The following DNAAF11 variants were observed in gnomAD, a reference collection of about 807,000 sequenced individuals.
DNAAF11 encodes dynein axonemal assembly factor 11, also known as leucine rich repeat containing 6.
A neutral mutation model predicts 60.8 loss-of-function variants in DNAAF11; 45 were observed. The ratio of observed to expected loss-of-function variants is 0.74; its 90% CI spans 0.58 to 0.95. The LOEUF (loss-of-function observed/expected upper bound fraction) is 0.95, where lower values mean the gene tolerates loss of function less well. DNAAF11 is among the 40% of genes least tolerant of loss of function. The pLI is 0.00. For missense variants in DNAAF11, 546 were observed against 546.2 expected (o/e 1.00, Z 0.00); for synonymous variants, 191 against 183.5 (o/e 1.04, Z -0.33).
intron 7 of DNAAF11, among the ~76,000 whole-genome samples, chr8:132,616,693 C>G (rs1819195812): frequency 6.6e-6 from 1 of 152,074 alleles, no homozygotes; most frequent in Admixed American, 6.6e-5. Flanking sequence ...TTATATCCAC[C>G]CAGTGATGTC....
rs562767750 is a variant in DNAAF11 at position 132,643,532 on chromosome 8, C to T, written c.257-5425G>A. On this transcript the variant is annotated intron_variant, in intron 3 of 11. Coordinates refer to ENST00000620350, the MANE Select transcript of DNAAF11 (RefSeq NM_012472.6). ...CACAGTTAATTCAAAAGACCAGTCC[C>T]CGTAAATGGGTCCGTATGCCATATT... 585 of 417,530 alleles carry T rather than the reference C, an allele frequency of 1.4e-3. 13 individuals carry two copies. Among genetic ancestry groups the T allele is most frequent in the South Asian group, 9.3e-3 (534 of 57,392 alleles). 25.9% of individuals were successfully genotyped at this position (417,530 alleles called of 1,614,324 possible). A position where few individuals can be genotyped will look rare whatever the true frequency, so the allele number is the denominator to read the frequency against.
At position 132,661,466 on chromosome 8, in the gene DNAAF11, T is replaced by C. The variant is rs1349234234; in HGVS notation, c.172A>G (p.Lys58Glu). The C allele has an allele frequency of 5.0e-6, 8 of 1,611,334 alleles. No homozygotes were observed. The highest frequency in any genetic ancestry group is 6.8e-6 in the Non-Finnish European group (8 of 1,178,576). ...ILYLQNNLIG[K>E]IENVSKLKKL... ...ACTAAGTACTGAAACTTACCAATTT[T>C]CCCAATAAGATTATTTTGAAGATAG... Residue 58 changes from lysine to glutamate, a missense_variant, in exon 2 of 12, where the codon AAA becomes GAA. Transcript: ENST00000620350.
rs368310529 is a variant in DNAAF11, at chr8:132,599,022, G to A, written c.1140+11144C>T. On this transcript the variant is annotated intron_variant, in intron 10 of 11. Coordinates refer to ENST00000620350, the MANE Select transcript of DNAAF11 (RefSeq NM_012472.6). ...AAAAGATCAACAACATTGATAGACC[G>A]CTAGCAACACTAATACAGAAGAAAA... Among the ~76,000 whole-genome samples the A allele has an allele frequency of 4.1e-4, 63 of 152,114 alleles. No homozygotes were observed. In the East Asian group the frequency reaches 0.011, roughly 26 times the overall value.
intron 11 of DNAAF11, among the ~76,000 whole-genome samples, chr8:132,575,098 A>G (rs540344821): frequency 1.3e-5 from 2 of 152,338 alleles, no homozygotes; most frequent in Admixed American, 1.3e-4. Context: ...CCTGGTAATC[A>G]AGAAACAAAG....
chr8:132,689,440 T>A, the DNAAF11 span, among the ~76,000 whole-genome samples: 4 of 152,292 alleles, frequency 2.6e-5, no homozygotes, highest in South Asian at 4.1e-4. Flanking sequence ...TTATATCATG[T>A]CAAAAATACA....
rs751733856 is a variant in DNAAF11 at position 132,661,704 on chromosome 8, G to C, written c.11-77C>G. 5 of 1,488,006 alleles carry C rather than the reference G, an allele frequency of 3.4e-6. No homozygotes were observed. In the South Asian group the frequency reaches 5.7e-5, roughly 17 times the overall value. The allele number at this position is 1,488,006 out of a possible 1,614,324, so 92.2% of individuals were successfully genotyped here. ...AGATTATTGTGTTGTTAACGCATTT[G>C]TGTTTTTTTTGTTTGTTTTTGCAGT... On this transcript the variant is annotated intron_variant, in intron 1 of 11. Coordinates refer to ENST00000620350, the MANE Select transcript of DNAAF11 (RefSeq NM_012472.6).
chr8:132,658,719 A>C (rs1234135328), intron 2 of DNAAF11, among the ~76,000 whole-genome samples: 1 of 152,096 alleles, frequency 6.6e-6, no homozygotes, highest in East Asian at 1.9e-4. Flanking sequence ...ACAATAAAAT[A>C]CCTCTTCAAA....
chr8:132,574,292 T>C (rs977316064), intron 11 of DNAAF11, among the ~76,000 whole-genome samples: 6 of 152,220 alleles, frequency 3.9e-5, no homozygotes, highest in East Asian at 1.9e-4. Flanking sequence ...AGGTTGGGCA[T>C]TGACTGGTAA....
chr8:132,625,671 T>C (rs1472594861), intron 5 of DNAAF11, among the ~76,000 whole-genome samples: 1 of 152,182 alleles, frequency 6.6e-6, no homozygotes, highest in East Asian at 1.9e-4. Context: ...ATTGAAAGGT[T>C]GAATAGGGCA....
rs1201451571 is a variant in DNAAF11, at chr8:132,571,129, G to A, written c.*1177C>T. 6.6e-6 allele frequency among the ~76,000 whole-genome samples: 1 copy of A among 152,098 alleles called. No individual in the cohort carries two copies. Among genetic ancestry groups the A allele is most frequent in the Non-Finnish European group, 1.5e-5 (1 of 68,024 alleles). ...ACATTAGCAGAGTCTTCCACTGGAA[G>A]CCTGTTTAATAGAGAAAGGCCCTGT... On this transcript the variant is annotated 3_prime_UTR_variant, in exon 12 of 12. Transcript: ENST00000620350.
At chr8:132,593,887 T>C (rs960671243) in intron 10 of DNAAF11, among the ~76,000 whole-genome samples, 2 of 151,622 alleles carry the variant, frequency 1.3e-5, no homozygotes, top group African/African-American at 4.8e-5. Flanking sequence ...CCCATAAAAA[T>C]CCAACTGAAA....
intron 4 of DNAAF11, among the ~76,000 whole-genome samples, chr8:132,637,406 G>A (rs1364644276): frequency 6.6e-6 from 1 of 152,190 alleles, no homozygotes; most frequent in African/African-American, 2.4e-5. Context: ...AGGAGTTCAA[G>A]ACCAGCCTGG....
intron 11 of DNAAF11, among the ~76,000 whole-genome samples, chr8:132,577,304 T>C (rs1814851166): frequency 6.6e-6 from 1 of 152,236 alleles, no homozygotes; most frequent in Non-Finnish European, 1.5e-5. Flanking sequence ...ACTGCTAAGC[T>C]GCCGAACCAC....
intron 4 of DNAAF11, among the ~76,000 whole-genome samples, chr8:132,633,298 C>A (rs1163364690): frequency 6.6e-6 from 1 of 152,022 alleles, no homozygotes; most frequent in East Asian, 1.9e-4. Flanking sequence ...CAAAGTACAA[C>A]AATGGCACTT....
At chr8:132,702,533 G>A in the DNAAF11 span, among the ~76,000 whole-genome samples, 2 of 151,062 alleles carry the variant, frequency 1.3e-5, no homozygotes, top group East Asian at 1.9e-4. Context: ...CGTTGTCCCA[G>A]AGGTCATAAA....
intron 1 of DNAAF11, among the ~76,000 whole-genome samples, chr8:132,667,320 T>A (rs984273045): frequency 1.3e-5 from 2 of 152,028 alleles, no homozygotes; most frequent in Admixed American, 1.3e-4. Flanking sequence ...CTTCTTAAAA[T>A]TTTTTTGAGG....
At chr8:132,607,836 T>C (rs942617406) in intron 10 of DNAAF11, among the ~76,000 whole-genome samples, 1 of 152,118 alleles carries the variant, frequency 6.6e-6, no homozygotes, top group African/African-American at 2.4e-5. Flanking sequence ...CACACACATA[T>C]ATCACAGTTT....
chr8:132,629,325 T>C (rs6983921), intron 5 of DNAAF11, among the ~76,000 whole-genome samples: 11,300 of 151,160 alleles, frequency 0.075, 1,148 homozygotes, highest in African/African-American at 0.23. Context: ...GATAACAAGA[T>C]ACAGATACCC....
intron 3 of DNAAF11, among the ~76,000 whole-genome samples, chr8:132,644,486 T>C (rs1034979113): frequency 7.2e-5 from 11 of 151,932 alleles, no homozygotes; most frequent in African/African-American, 1.9e-4. Flanking sequence ...CTGGGGCTTG[T>C]TGGACAATGG....
Sources: allele counts gnomAD v4.1 joint callset (sites outside exome capture counted in the v4.1 genomes callset), GRCh38; gene constraint gnomAD v4.1.1; transcripts MANE v1.5; gene names NCBI Gene and HGNC (gene_info 2026-07-23, HGNC 2026-07-21).